PDZRN4: variants seen among roughly 807,000 people sequenced by gnomAD.
PDZRN4 encodes the protein PDZ domain containing ring finger 4, also known as PDZ domain-containing RING finger protein 4.
In PDZRN4, 70 loss-of-function variants were observed where a neutral mutation model predicts 99.0. The observed-to-expected ratio is 0.71, with a 90% CI of 0.58 to 0.86. The LOEUF (loss-of-function observed/expected upper bound fraction) is 0.86. Among genes scored for constraint, PDZRN4 ranks in the 40% least tolerant of loss-of-function variants. PDZRN4 has a pLI of 0.00. For synonymous variants in PDZRN4, 551 were observed against 501.6 expected, an observed-to-expected ratio of 1.10 and a Z score of -1.32; for missense variants, 1,474 against 1,331.2, an observed-to-expected ratio of 1.11 and a Z score of -1.67.
At chr12:41,534,276 T>C (rs1938711971) in intron 5 of PDZRN4, among the ~76,000 whole-genome samples, 1 of 124,906 alleles carries the variant, frequency 8.0e-6, no homozygotes. Flanking sequence ...TTTGCACATC[T>C]CTTTTTAACT....
At chr12:41,555,959 T>C (rs1054131516) in intron 7 of PDZRN4, among the ~76,000 whole-genome samples, 199 bp downstream of exon 7, 3 of 152,156 alleles carry the variant, frequency 2.0e-5, no homozygotes, top group African/African-American at 4.8e-5. Flanking sequence ...AGCTAATAAT[T>C]AGTGGTTCAA....
At chr12:41,300,604 A>G (rs1397719474) in intron 3 of PDZRN4, among the ~76,000 whole-genome samples, 1 of 151,900 alleles carries the variant, frequency 6.6e-6, no homozygotes, top group African/African-American at 2.4e-5. Flanking sequence ...ATGACCTCTA[A>G]TAAAGATACT....
intron 3 of PDZRN4, among the ~76,000 whole-genome samples, chr12:41,397,975 ATCTGAAC>A (rs563681146): frequency 1.6e-4 from 24 of 152,146 alleles, no homozygotes; most frequent in Non-Finnish European, 3.4e-4. Flanking sequence ...TCAAGTTCAA[ATCTGAAC>A]TTTGCTGCCT....
chr12:41,268,437 C>A (rs1369069510), intron 3 of PDZRN4, among the ~76,000 whole-genome samples: 1 of 152,194 alleles, frequency 6.6e-6, no homozygotes, highest in African/African-American at 2.4e-5. Context: ...GCATAGTCTG[C>A]CTCCTGTTCA....
intron 3 of PDZRN4, among the ~76,000 whole-genome samples, chr12:41,324,130 T>G (rs1428689937): frequency 1.3e-5 from 2 of 152,068 alleles, no homozygotes; most frequent in Non-Finnish European, 2.9e-5. Flanking sequence ...TGATATGGAG[T>G]GATTGCTTAA....
intron 3 of PDZRN4, among the ~76,000 whole-genome samples, chr12:41,340,837 T>C (rs527574149): frequency 1.3e-5 from 2 of 151,740 alleles, no homozygotes; most frequent in Non-Finnish European, 2.9e-5. Flanking sequence ...TTCCAGAAAA[T>C]TGAAGACGGG....
At chr12:41,277,849 T>C (rs1202524104) in intron 3 of PDZRN4, among the ~76,000 whole-genome samples, 4 of 152,236 alleles carry the variant, frequency 2.6e-5, no homozygotes, top group African/African-American at 4.8e-5. Context: ...AGGTTCCGTA[T>C]GGATAAAGAT....
chr12:41,422,865 A>G (rs200155331), intron 3 of PDZRN4, among the ~76,000 whole-genome samples: 2 of 152,192 alleles, frequency 1.3e-5, no homozygotes, highest in East Asian at 3.9e-4. Flanking sequence ...GTACACACAT[A>G]TGCACACACA....
intron 3 of PDZRN4, among the ~76,000 whole-genome samples, chr12:41,443,289 G>C (rs115285301): frequency 6.6e-6 from 1 of 152,058 alleles, no homozygotes; most frequent in South Asian, 2.1e-4. Flanking sequence ...CTTGGGGAGT[G>C]GGGGAGAAGA....
At chr12:41,272,269 T>G (rs1012764633) in intron 3 of PDZRN4, among the ~76,000 whole-genome samples, 4 of 152,088 alleles carry the variant, frequency 2.6e-5, no homozygotes, top group Non-Finnish European at 5.9e-5. Flanking sequence ...ATGTGGTGAA[T>G]CAGCCTAAAG....
At chr12:41,414,048 A>C (rs562021244) in intron 3 of PDZRN4, among the ~76,000 whole-genome samples, 2 of 152,234 alleles carry the variant, frequency 1.3e-5, no homozygotes, top group South Asian at 4.1e-4. Flanking sequence ...TCTGAAAAAA[A>C]ATTTATTTCT....
At chr12:41,338,663 T>G (rs1453597264) in intron 3 of PDZRN4, among the ~76,000 whole-genome samples, 2 of 151,972 alleles carry the variant, frequency 1.3e-5, no homozygotes, top group Admixed American at 1.3e-4. Flanking sequence ...CATAAGAGAT[T>G]ATTAAGAACA....
chr12:41,558,759 G>A (rs1190953917), intron 7 of PDZRN4, among the ~76,000 whole-genome samples: 1 of 152,068 alleles, frequency 6.6e-6, no homozygotes, highest in Non-Finnish European at 1.5e-5. Context: ...CTTAATACAT[G>A]TCCCAGTAAA....
At position 41,572,426 on chromosome 12, in the gene PDZRN4, T is replaced by C. The variant is rs1408587797; in HGVS notation, c.1647T>C (p.His549=). ...CTGCAACATCCTCATCCAACAACCA[T>C]GAGAAGGACAGTGGAGTAGGACGTA... ...TDTATSSSNN[H]EKDSGVGRTD... is the part of the protein sequence containing the mutation. The change falls in exon 10 of 10, where the codon CAT becomes CAC. Residue 549 remains histidine (H), a synonymous_variant. Transcript: ENST00000402685. 1.9e-6 allele frequency: 3 copies of C among 1,613,928 alleles called. No individual in the cohort carries two copies. Among genetic ancestry groups the C allele is most frequent in the Non-Finnish European group, 1.7e-6 (2 of 1,179,954 alleles).
At chr12:41,250,843 AT>A (rs1235125568) in intron 3 of PDZRN4, among the ~76,000 whole-genome samples, 2 of 152,166 alleles carry the variant, frequency 1.3e-5, no homozygotes, top group African/African-American at 2.4e-5. Context: ...AGCAGATGTT[AT>A]TGTTTGTCAA....
At chr12:41,499,073 G>C (rs1176970788) in intron 3 of PDZRN4, among the ~76,000 whole-genome samples, 4 of 152,104 alleles carry the variant, frequency 2.6e-5, no homozygotes, top group Admixed American at 1.3e-4. Flanking sequence ...TAGCAAGAGA[G>C]AGAGAGAGAC....
chr12:41,381,062 G>A (rs1351085944), intron 3 of PDZRN4, among the ~76,000 whole-genome samples: 1 of 152,030 alleles, frequency 6.6e-6, no homozygotes, highest in Admixed American at 6.6e-5. Flanking sequence ...GTCTGCTGAG[G>A]TTTCTGCTGA....
chr12:41,330,347 C>T (rs148743000), intron 3 of PDZRN4, among the ~76,000 whole-genome samples: 22 of 152,140 alleles, frequency 1.4e-4, no homozygotes, highest in African/African-American at 4.8e-4. Context: ...AGTCTTCCAG[C>T]TCTTGAACCA....
At chr12:41,375,270 C>G (rs944246437) in intron 3 of PDZRN4, among the ~76,000 whole-genome samples, 1 of 152,130 alleles carries the variant, frequency 6.6e-6, no homozygotes, top group African/African-American at 2.4e-5. Flanking sequence ...TTTAACCTAT[C>G]AAGTTTCAGG....
Sources: gnomAD v4.1 joint callset for allele counts (sites outside exome capture counted in the v4.1 genomes callset) on GRCh38, gnomAD v4.1.1 for gene constraint, MANE v1.5 for transcripts, NCBI Gene and HGNC (gene_info 2026-07-23, HGNC 2026-07-21) for gene names.